The following RARB variants were observed in gnomAD, a reference collection of about 807,000 sequenced individuals.
RARB encodes retinoic acid receptor beta.
In RARB, 17 loss-of-function variants were observed where a neutral mutation model predicts 51.9. That is an observed-to-expected ratio of 0.33 (90% CI 0.22 to 0.49). RARB has a LOEUF of 0.49. RARB is among the 20% of genes least tolerant of loss of function. RARB has a pLI of 0.99. For missense variants in RARB, 369 were observed against 550.8 expected, an observed-to-expected ratio of 0.67 and a Z score of 3.30; for synonymous variants, 215 against 195.4, an observed-to-expected ratio of 1.10 and a Z score of -0.84.
At chr3:24,877,346 C>CTTTTTTATTTTTTTTTTTTTTTTTTTT (rs1703066107) in intron 2 of RARB, among the ~76,000 whole-genome samples, 1 of 81,892 alleles carries the variant, frequency 1.2e-5, no homozygotes, top group African/African-American at 5.1e-5. Context: ...AGCAATCTTA[C>CTTTTTTATTTTTTTTTTTTTTTTTTTT]TTTTTTTTTT....
Position 25,286,310 on chromosome 3 carries a change from G to C in RARB, c.178+111735G>C, listed in dbSNP as rs191651553. 2.6e-5 allele frequency among the ~76,000 whole-genome samples: 4 copies of C among 152,032 alleles called. No individual in the cohort carries two copies. In the East Asian group the frequency reaches 7.8e-4, roughly 29 times the overall value. ...TCACCGTGTTAGCCAGGATGGTCTC[G>C]ATCTCCTGACCTCGTGATCCACCCG... is the stretch of plus-strand genomic sequence containing the variant. On this transcript the variant is annotated intron_variant, in intron 5 of 11. Transcript: ENST00000383772.
intron 5 of RARB, among the ~76,000 whole-genome samples, chr3:25,295,133 G>T (rs1324015815): frequency 6.6e-6 from 1 of 152,212 alleles, no homozygotes. Context: ...GTAGTTAAGA[G>T]CAAGAGCTCT....
chr3:25,445,266 A>G (rs987375692), intron 1 of RARB, among the ~76,000 whole-genome samples: 1 of 152,118 alleles, frequency 6.6e-6, no homozygotes, highest in African/African-American at 2.4e-5. Context: ...CTCCTTTTCA[A>G]AACAAGGTTA....
chr3:24,943,349 C>T (rs947267806), intron 2 of RARB, among the ~76,000 whole-genome samples: 12 of 152,078 alleles, frequency 7.9e-5, no homozygotes, highest in Admixed American at 1.3e-4. Context: ...TCCATTGCTA[C>T]GCTCTTGTTA....
chr3:25,222,859 T>C (rs932435329), intron 5 of RARB, among the ~76,000 whole-genome samples: 1 of 152,222 alleles, frequency 6.6e-6, no homozygotes, highest in African/African-American at 2.4e-5. Flanking sequence ...TAAGGCATTC[T>C]TGTGAAGAGC....
At chr3:25,118,519 A>G (rs930835630) in intron 3 of RARB, among the ~76,000 whole-genome samples, 1 of 152,168 alleles carries the variant, frequency 6.6e-6, no homozygotes, top group African/African-American at 2.4e-5. Flanking sequence ...GGAATCCTCC[A>G]TAGGTGCATC....
intron 2 of RARB, among the ~76,000 whole-genome samples, chr3:24,887,676 A>G (rs143564351): frequency 5.6e-4 from 85 of 152,298 alleles, no homozygotes; most frequent in African/African-American, 2.0e-3. Context: ...GTGATGCACA[A>G]TATTATGGTT....
chr3:25,539,953 C>T (rs551225091), intron 3 of RARB, among the ~76,000 whole-genome samples: 2 of 152,002 alleles, frequency 1.3e-5, no homozygotes, highest in South Asian at 4.2e-4. Flanking sequence ...TTATGGGATG[C>T]AAACCCCACA....
rs1281841095 is a variant in RARB, at chr3:24,989,893, G to T, written c.-379-70232G>T. On this transcript the variant is annotated intron_variant, in intron 2 of 11. Coordinates refer to the RARB transcript ENST00000383772. The stretch of plus-strand genomic sequence containing the variant: ...CGGCTCACTGCAAGCTCCCCTTCCC[G>T]GGTTCACGCCATTCTCCTGCCTCAG... Among the ~76,000 whole-genome samples, 5 of 87,732 alleles carry T rather than the reference G, an allele frequency of 5.7e-5. 1 individual carries two copies. In the Admixed American group the frequency reaches 6.3e-4, roughly 11 times the overall value. 57.6% of individuals were successfully genotyped at this position (87,732 alleles called of 152,430 possible).
At chr3:25,410,916 G>A (rs544981182) in intron 5 of RARB, among the ~76,000 whole-genome samples, 5 of 152,340 alleles carry the variant, frequency 3.3e-5, no homozygotes, top group Admixed American at 6.5e-5. Flanking sequence ...CTGGGCAAAG[G>A]TCAGCCTGTA....
At chr3:24,853,823 A>T (rs1486164489) in intron 1 of RARB, among the ~76,000 whole-genome samples, 1 of 152,196 alleles carries the variant, frequency 6.6e-6, no homozygotes, top group Non-Finnish European at 1.5e-5. Context: ...ATTGAATTTA[A>T]TATTCCCCCA....
intron 5 of RARB, among the ~76,000 whole-genome samples, chr3:25,367,580 C>A (rs1464861477): frequency 6.6e-6 from 1 of 151,252 alleles, no homozygotes; most frequent in African/African-American, 2.4e-5. Flanking sequence ...CTTTGGGAGG[C>A]TGAGGTTGGC....
At chr3:25,065,081 T>G (rs115722083) in intron 3 of RARB, among the ~76,000 whole-genome samples, 1 of 152,100 alleles carries the variant, frequency 6.6e-6, no homozygotes, top group South Asian at 2.1e-4. Flanking sequence ...ATTTTTAGAT[T>G]GGTTAAGTAT....
chr3:25,267,277 A>G (rs1003844236), intron 5 of RARB, among the ~76,000 whole-genome samples: 3 of 152,228 alleles, frequency 2.0e-5, no homozygotes, highest in African/African-American at 7.2e-5. Context: ...CAGCTAGTAT[A>G]CAAGGCATTG....
At chr3:25,009,783 G>A (rs942704666) in intron 2 of RARB, among the ~76,000 whole-genome samples, 1 of 152,068 alleles carries the variant, frequency 6.6e-6, no homozygotes, top group African/African-American at 2.4e-5. Context: ...TGGGAAATAT[G>A]CTCATTTGCC....
chr3:25,563,677 A>AT (rs1407151819), intron 3 of RARB, among the ~76,000 whole-genome samples: 2 of 152,194 alleles, frequency 1.3e-5, no homozygotes, highest in African/African-American at 4.8e-5. Flanking sequence ...TTAGAAAATG[A>AT]TTTTTTAACT....
chr3:25,298,164 A>G lies in RARB; in HGVS notation c.178+123589A>G, dbSNP rs188945006. ...ACTATGTAAACACTCACGTAATTTTATTAAGAGTTGCTACCAAATCTTTTT... is the reference window on the plus strand; with the variant it reads ...ACTATGTAAACACTCACGTAATTTTGTTAAGAGTTGCTACCAAATCTTTTT... On this transcript the variant is annotated intron_variant, in intron 5 of 11. Coordinates refer to the RARB transcript ENST00000383772. 2.2e-3 allele frequency among the ~76,000 whole-genome samples: 326 copies of G among 149,996 alleles called. 1 individual carries two copies. The highest frequency in any genetic ancestry group is 3.9e-3 in the Non-Finnish European group (266 of 67,730).
At chr3:24,940,558 T>C (rs1457264716) in intron 2 of RARB, among the ~76,000 whole-genome samples, 3 of 152,198 alleles carry the variant, frequency 2.0e-5, no homozygotes, top group East Asian at 3.8e-4. Flanking sequence ...CCAATTCCTT[T>C]CCTATGTTTT....
chr3:25,536,338 AC>A (rs1354452647), intron 3 of RARB, among the ~76,000 whole-genome samples: 1 of 152,196 alleles, frequency 6.6e-6, no homozygotes, highest in African/African-American at 2.4e-5. Context: ...CATGCTAAAG[AC>A]ACGACACTGG....
Sources: allele counts gnomAD v4.1 joint callset (sites outside exome capture counted in the v4.1 genomes callset), GRCh38; gene constraint gnomAD v4.1.1; transcripts MANE v1.5; gene names NCBI Gene and HGNC (gene_info 2026-07-23, HGNC 2026-07-21).